The following DIAPH2 variants were observed in gnomAD, a reference collection of about 807,000 sequenced individuals.
DIAPH2 encodes the protein protein diaphanous homolog 2.
In DIAPH2, 35 loss-of-function variants were observed where a neutral mutation model predicts 92.7. The ratio of observed to expected loss-of-function variants is 0.38; its 90% CI spans 0.29 to 0.50. The LOEUF (loss-of-function observed/expected upper bound fraction) is 0.50. DIAPH2 is among the 20% of genes least tolerant of loss of function. The probability of loss-of-function intolerance (pLI) is 0.94; values close to 1 mark genes in which losing one functional copy is unlikely to be tolerated. For missense variants in DIAPH2, 701 were observed against 819.5 expected (o/e 0.86, Z 1.77); for synonymous variants, 301 against 280.4 (o/e 1.07, Z -0.73).
intron 26 of DIAPH2, among the ~76,000 whole-genome samples, chrX:97,538,580 G>GA (rs758196379): frequency 8.2e-5 from 9 of 109,673 alleles, no homozygotes; most frequent in Admixed American, 4.8e-4. Context: ...TCCTTTTTAG[G>GA]AAAAAAAAAT....
intron 4 of DIAPH2, among the ~76,000 whole-genome samples, chrX:96,824,913 C>T (rs1396552373): frequency 2.8e-5 from 3 of 109,049 alleles, no homozygotes; most frequent in South Asian, 3.9e-4. Flanking sequence ...TAAGCTTTTC[C>T]CTCCTTCACC....
intron 10 of DIAPH2, among the ~76,000 whole-genome samples, chrX:96,932,823 A>G (rs968264141): frequency 2.7e-5 from 3 of 111,100 alleles, no homozygotes; most frequent in African/African-American, 9.8e-5. Flanking sequence ...TGTAATACAA[A>G]TAATTATGAA....
At chrX:97,035,539 A>G (rs1224526708) in intron 17 of DIAPH2, among the ~76,000 whole-genome samples, 2 of 111,777 alleles carry the variant, frequency 1.8e-5, no homozygotes, top group African/African-American at 6.5e-5. Flanking sequence ...AATCTCTTGA[A>G]TTAGATATGT....
chrX:97,202,808 A>C lies in DIAPH2; in HGVS notation c.2720-44907A>C, dbSNP rs761510985. Among the ~76,000 whole-genome samples, 16 of 112,260 alleles carry C rather than the reference A, an allele frequency of 1.4e-4. No individual in the cohort carries two copies. The South Asian group carries it at 5.9e-3, about 41-fold the overall frequency. On this transcript the variant is annotated intron_variant, in intron 22 of 26. Coordinates refer to ENST00000324765, the MANE Select transcript of DIAPH2 (RefSeq NM_006729.5). ...AAATTAACAAGGATATTCAGGACTC[A>C]AACTCAGCTCTGGATCAAGTGGACC...
chrX:96,790,507 A>G (rs2064492240), intron 4 of DIAPH2, among the ~76,000 whole-genome samples: 1 of 111,805 alleles, frequency 8.9e-6, no homozygotes, highest in Admixed American at 9.5e-5. Context: ...GTTTCTATCA[A>G]TTGGTCATTA....
At chrX:97,132,473 C>A (rs2067144270) in intron 21 of DIAPH2, among the ~76,000 whole-genome samples, 1 of 111,759 alleles carries the variant, frequency 8.9e-6, no homozygotes, top group Non-Finnish European at 1.9e-5. Context: ...AATACATTAT[C>A]TTTTTCAATG....
At chrX:96,695,417 T>A (rs2063820315) in intron 1 of DIAPH2, among the ~76,000 whole-genome samples, 1 of 112,628 alleles carries the variant, frequency 8.9e-6, no homozygotes, top group Non-Finnish European at 1.9e-5. Context: ...CATTACAGCC[T>A]ATACTTGCTT....
chrX:97,133,980 A>C (rs996062200), intron 21 of DIAPH2, among the ~76,000 whole-genome samples: 1 of 112,731 alleles, frequency 8.9e-6, no homozygotes, highest in Non-Finnish European at 1.9e-5. Flanking sequence ...CTGAGTAAAT[A>C]TCTAAGCAAC....
chrX:97,131,603 T>G (rs1351510909), intron 21 of DIAPH2, among the ~76,000 whole-genome samples: 1 of 112,018 alleles, frequency 8.9e-6, no homozygotes, highest in Non-Finnish European at 1.9e-5. Context: ...TAAAACAATT[T>G]AAGTAAAATG....
At chrX:97,571,112 C>T (rs1052079615) in intron 26 of DIAPH2, among the ~76,000 whole-genome samples, 1 of 111,394 alleles carries the variant, frequency 9.0e-6, no homozygotes, top group South Asian at 3.8e-4. Context: ...CAGCTAGCAC[C>T]AAGTCTCTGT....
At position 97,164,443 on chromosome X, in the gene DIAPH2, T is replaced by C. The variant is rs1034883959; in HGVS notation, c.2719+22649T>C. Among the ~76,000 whole-genome samples the C allele has an allele frequency of 1.9e-4, 21 of 111,886 alleles. 1 individual carries two copies. The highest frequency in any genetic ancestry group is 7.5e-5 in the Non-Finnish European group (4 of 53,194). ...TGTCGGCAAAAGTGAGGCAGACTTA[T>C]GGTTCTGAGTGAGCACTACCATTTA... On this transcript the variant is annotated intron_variant, in intron 22 of 26. Transcript: ENST00000324765.
intron 16 of DIAPH2, among the ~76,000 whole-genome samples, chrX:96,963,606 T>C (rs1382757921): frequency 3.6e-5 from 4 of 111,524 alleles, no homozygotes; most frequent in African/African-American, 1.3e-4. Flanking sequence ...GGGGATATGT[T>C]ATTTACCCTT....
chrX:96,811,248 G>T (rs781625794), intron 4 of DIAPH2, among the ~76,000 whole-genome samples: 1 of 111,351 alleles, frequency 9.0e-6, no homozygotes, highest in African/African-American at 3.3e-5. Context: ...TTGTAAGTTG[G>T]ATTCCTAGGT....
intron 4 of DIAPH2, among the ~76,000 whole-genome samples, chrX:96,798,061 G>T (rs1171341334): frequency 8.9e-6 from 1 of 112,427 alleles, no homozygotes; most frequent in Non-Finnish European, 1.9e-5. Context: ...TTGATCTGTA[G>T]TTGGTTGAAT....
intron 4 of DIAPH2, among the ~76,000 whole-genome samples, chrX:96,785,529 A>C (rs370779460): frequency 2.2e-3 from 39 of 18,073 alleles, no homozygotes; most frequent in Non-Finnish European, 2.8e-3. Context: ...TTGCCCAGGC[A>C]CGATCTTGGC....
chrX:96,962,404 CACATATATATATACACATATATAT>C lies in DIAPH2; in HGVS notation c.1936-2673_1936-2650del, dbSNP rs2065863823. On this transcript the variant is annotated intron_variant, in intron 16 of 26. Coordinates refer to ENST00000324765, the MANE Select transcript of DIAPH2 (RefSeq NM_006729.5). Reference sequence around the variant, plus strand: ...ACACATATATATACACATATATATACACATATATATATACACATATATATACATATATATATACATATATACACA... The same window carrying C: ...ACACATATATATACACATATATATACACATATATATATACATATATACACA... Among the ~76,000 whole-genome samples, 16 of 48,852 alleles carry C rather than the reference CACATATATATATACACATATATAT, an allele frequency of 3.3e-4. No homozygotes were observed. In the South Asian group the frequency reaches 0.012, roughly 35 times the overall value. The allele number at this position is 48,852 out of a possible 115,157, so 42.4% of individuals were successfully genotyped here.
chrX:96,842,898 C>G (rs1387745138), intron 4 of DIAPH2, among the ~76,000 whole-genome samples: 1 of 111,694 alleles, frequency 9.0e-6, no homozygotes, highest in East Asian at 2.8e-4. Flanking sequence ...CCTTTACTTC[C>G]TTTTCCCAAG....
At chrX:97,284,363 C>T (rs2068522404) in intron 23 of DIAPH2, among the ~76,000 whole-genome samples, 1 of 111,190 alleles carries the variant, frequency 9.0e-6, no homozygotes. Context: ...GTAATCCCAG[C>T]ACTTTGGGAG....
chrX:97,065,833 TG>T (rs2066630150), intron 17 of DIAPH2, among the ~76,000 whole-genome samples: 1 of 111,506 alleles, frequency 9.0e-6, no homozygotes. Flanking sequence ...ACAGTGATAT[TG>T]ATGATCTTGA....
Sources: allele counts gnomAD v4.1 joint callset (sites outside exome capture counted in the v4.1 genomes callset), GRCh38; gene constraint gnomAD v4.1.1; transcripts MANE v1.5; gene names NCBI Gene and HGNC (gene_info 2026-07-23, HGNC 2026-07-21).